Variants in KCNN2 observed in about 807,000 individuals in gnomAD.
The protein encoded by KCNN2 is potassium calcium-activated channel subfamily N member 2.
KCNN2 carries 24 observed loss-of-function variants against 55.5 expected under a neutral mutation model. That is an observed-to-expected ratio of 0.43 (90% CI 0.31 to 0.61). The LOEUF is 0.61. Ranked by LOEUF, KCNN2 falls within the 20% of genes least tolerant of loss-of-function variation. KCNN2 has a pLI of 0.08. For synonymous variants in KCNN2, 431 were observed against 336.1 expected (o/e 1.28, Z -3.09); for missense variants, 754 against 853.6 (o/e 0.88, Z 1.45).
intron 1 of KCNN2, among the ~76,000 whole-genome samples, chr5:114,207,308 T>A (rs889719323): frequency 5.3e-5 from 8 of 152,302 alleles, no homozygotes; most frequent in Non-Finnish European, 1.0e-4. Flanking sequence ...TGTTGATGAA[T>A]AAACTGTACC....
chr5:114,456,947 C>T (rs1760952677), intron 3 of KCNN2, among the ~76,000 whole-genome samples: 1 of 152,164 alleles, frequency 6.6e-6, no homozygotes, highest in African/African-American at 2.4e-5. Flanking sequence ...ATGGAATCTA[C>T]TCCTGGAGAA....
At chr5:114,454,273 C>G (rs1456409737) in intron 3 of KCNN2, among the ~76,000 whole-genome samples, 1 of 152,136 alleles carries the variant, frequency 6.6e-6, no homozygotes, top group Non-Finnish European at 1.5e-5. Context: ...TCTGTTTCCT[C>G]CCTTCCCTTC....
intron 2 of KCNN2, among the ~76,000 whole-genome samples, chr5:114,322,134 C>G (rs1199176773): frequency 6.6e-6 from 1 of 152,112 alleles, no homozygotes; most frequent in Non-Finnish European, 1.5e-5. Flanking sequence ...CATGAAGACA[C>G]CAGTTTAAAT....
intron 2 of KCNN2, among the ~76,000 whole-genome samples, chr5:114,365,284 C>T (rs1389488724): frequency 1.3e-5 from 2 of 152,148 alleles, no homozygotes; most frequent in Admixed American, 6.5e-5. Context: ...AATTACAAAA[C>T]TGCACTGACA....
At chr5:114,332,653 C>A (rs1033445865) in intron 2 of KCNN2, among the ~76,000 whole-genome samples, 1 of 152,164 alleles carries the variant, frequency 6.6e-6, no homozygotes, top group Admixed American at 6.5e-5. Context: ...ATGTACTCAG[C>A]AAGCCATGAG....
At chr5:114,339,435 GA>G (rs1352186959) in intron 2 of KCNN2, among the ~76,000 whole-genome samples, 1 of 152,120 alleles carries the variant, frequency 6.6e-6, no homozygotes, top group Non-Finnish European at 1.5e-5. Flanking sequence ...TATTACAAAG[GA>G]AAAAACTACA....
intron 3 of KCNN2, among the ~76,000 whole-genome samples, chr5:114,432,381 A>G (rs192705472): frequency 6.6e-6 from 1 of 152,242 alleles, no homozygotes; most frequent in African/African-American, 2.4e-5. Flanking sequence ...TGAAATTAAT[A>G]TAGCTACTCC....
intron 1 of KCNN2, among the ~76,000 whole-genome samples, chr5:114,118,122 C>G (rs1409295428): frequency 6.6e-6 from 1 of 152,096 alleles, no homozygotes; most frequent in South Asian, 2.1e-4. Flanking sequence ...TAAAGCTGTA[C>G]AAAGAAGGGT....
chr5:114,284,659 A>T (rs1435438701), intron 2 of KCNN2, among the ~76,000 whole-genome samples: 1 of 152,086 alleles, frequency 6.6e-6, no homozygotes, highest in Non-Finnish European at 1.5e-5. Context: ...CTGGAATTAA[A>T]GGAATGCGCC....
rs191340390 is a variant in KCNN2 at position 114,187,528 on chromosome 5, G to A, written c.-270-33952G>A. Among the ~76,000 whole-genome samples the A allele has an allele frequency of 1.8e-3, 245 of 137,866 alleles. 1 individual carries two copies. The highest frequency in any genetic ancestry group is 6.2e-3 in the African/African-American group (227 of 36,788). 90.4% of individuals were successfully genotyped at this position (137,866 alleles called of 152,430 possible). The stretch of plus-strand genomic sequence containing the variant: ...TGGCTTTTTTTTTTTTTTTTTGAGC[G>A]GAAGTCTTACTCTGTCACCTAGGCT... On this transcript the variant is annotated intron_variant, in intron 1 of 10. Coordinates refer to the KCNN2 transcript ENST00000512097.
In KCNN2 at chr5:114,062,303, C is replaced by T. The variant is rs181880526; in HGVS notation, c.-271+5803C>T. On this transcript the variant is annotated intron_variant, in intron 1 of 10. Coordinates refer to the KCNN2 transcript ENST00000512097. The stretch of plus-strand genomic sequence containing the variant: ...TATCTGGGCAGGGCAGCGCAAAGAC[C>T]TCCTGCCAGACATGCAGTGCAGCAA... Among the ~76,000 whole-genome samples, 514 of 152,230 alleles carry T rather than the reference C, an allele frequency of 3.4e-3. 13 individuals are homozygous for T. The highest frequency in any genetic ancestry group is 5.1e-3 in the Admixed American group (78 of 15,288).
chr5:114,429,523 T>C (rs1308136495), intron 3 of KCNN2, among the ~76,000 whole-genome samples: 1 of 152,120 alleles, frequency 6.6e-6, no homozygotes, highest in Non-Finnish European at 1.5e-5. Context: ...TGTAGAGTTT[T>C]AAGTGTTCTT....
At chr5:114,187,666 C>A (rs1017147795) in intron 1 of KCNN2, among the ~76,000 whole-genome samples, 12 of 150,960 alleles carry the variant, frequency 7.9e-5, no homozygotes, top group Non-Finnish European at 1.6e-4. Flanking sequence ...CCACTGCACC[C>A]GGCTAATTTT....
chr5:114,106,062 A>C (rs1751475927), intron 1 of KCNN2, among the ~76,000 whole-genome samples: 1 of 151,964 alleles, frequency 6.6e-6, no homozygotes, highest in Admixed American at 6.6e-5. Flanking sequence ...TTCTCCCAAC[A>C]TTTTACTAAT....
chr5:114,316,274 A>G (rs905868740), intron 2 of KCNN2, among the ~76,000 whole-genome samples: 2 of 152,178 alleles, frequency 1.3e-5, no homozygotes, highest in East Asian at 3.9e-4. Context: ...GACATCCTGT[A>G]CAGAGTCCCA....
At chr5:114,152,143 A>T (rs1382410055) in intron 1 of KCNN2, among the ~76,000 whole-genome samples, 1 of 152,116 alleles carries the variant, frequency 6.6e-6, no homozygotes, top group Non-Finnish European at 1.5e-5. Flanking sequence ...ATGTCTCATT[A>T]TAGTTCCAAT....
chr5:114,144,874 C>T (rs1313099767), intron 1 of KCNN2, among the ~76,000 whole-genome samples: 2 of 151,458 alleles, frequency 1.3e-5, no homozygotes, highest in African/African-American at 2.4e-5. Context: ...GGGTATAAGT[C>T]CTCATAATCT....
At chr5:114,313,573 G>T (rs1756446172) in intron 2 of KCNN2, among the ~76,000 whole-genome samples, 1 of 152,138 alleles carries the variant, frequency 6.6e-6, no homozygotes. Context: ...CACGAAGTTT[G>T]GTCACAGCAG....
chr5:114,275,832 G>T (rs1165792055), intron 2 of KCNN2, among the ~76,000 whole-genome samples: 1 of 151,928 alleles, frequency 6.6e-6, no homozygotes, highest in African/African-American at 2.4e-5. Context: ...ATCTCTTTCA[G>T]TTCTGCTCTG....
Sources: allele counts gnomAD v4.1 joint callset (sites outside exome capture counted in the v4.1 genomes callset), GRCh38; gene constraint gnomAD v4.1.1; transcripts MANE v1.5; gene names NCBI Gene and HGNC (gene_info 2026-07-23, HGNC 2026-07-21).